The following HDHD5 variants were observed in gnomAD, a reference collection of about 807,000 sequenced individuals.
HDHD5 encodes the protein haloacid dehalogenase like hydrolase domain containing 5.
Under a neutral mutation model 35.5 loss-of-function variants are expected in HDHD5, and 34 were observed. The observed-to-expected ratio is 0.96, with a 90% CI of 0.73 to 1.28. The LOEUF is 1.28. Ranked by LOEUF, HDHD5 falls within the 50% of genes most tolerant of loss-of-function variation. HDHD5 has a pLI of 0.00. For missense variants in HDHD5, 589 were observed against 560.2 expected, an observed-to-expected ratio of 1.05 and a Z score of -0.52; for synonymous variants, 248 against 240.6, an observed-to-expected ratio of 1.03 and a Z score of -0.29.
intron 1 of HDHD5, among the ~76,000 whole-genome samples, chr22:17,157,076 T>TCACACACACACACA (rs779244919): frequency 2.7e-3 from 154 of 56,146 alleles, no homozygotes; most frequent in Admixed American, 0.012. Context: ...AGACACCGTC[T>TCACACACACACACA]CACACACATA....
At chr22:17,149,956 T>C (rs1601394096) in intron 1 of HDHD5, among the ~76,000 whole-genome samples, 1 of 152,222 alleles carries the variant, frequency 6.6e-6, no homozygotes, top group East Asian at 1.9e-4. Context: ...TTATTTTTAA[T>C]CATTCGCTTT....
At position 17,159,197 on chromosome 22, in the gene HDHD5, G is replaced by T. The variant is rs186763825; in HGVS notation, c.55C>A (p.Arg19=). The change falls in exon 1 of 8, where the codon CGG becomes AGG. Residue 19 remains arginine (R), a synonymous_variant. Transcript: ENST00000336737. Reference sequence around the variant, plus strand: ...AGCCCCGCAGCCGCGCGCGCCGCCCGCCAGCAAAGCCCACGCGCCGCGCCG... The same window carrying T: ...AGCCCCGCAGCCGCGCGCGCCGCCCTCCAGCAAAGCCCACGCGCCGCGCCG... ...ALGAARGLCW[R]AARAAAGLQG... The T allele has an allele frequency of 1.3e-3, 1,518 of 1,180,374 alleles. 20 individuals carry two copies. The African/African-American group carries it at 0.023, about 18-fold the overall frequency. The allele number at this position is 1,180,374 out of a possible 1,614,324, so 73.1% of individuals were successfully genotyped here.
chr22:17,151,886 T>C (rs2061730469), intron 1 of HDHD5, among the ~76,000 whole-genome samples: 1 of 152,170 alleles, frequency 6.6e-6, no homozygotes, highest in Non-Finnish European at 1.5e-5. Flanking sequence ...GCAAATCAAT[T>C]CTAGGTAAGT....
At position 17,141,092 on chromosome 22, in the gene HDHD5, T is replaced by A; in HGVS notation, c.713A>T (p.Asp238Val). 1 of 1,591,462 alleles carries A rather than the reference T, an allele frequency of 6.3e-7. No individual in the cohort carries two copies. The highest frequency in any genetic ancestry group is 1.1e-5 in the South Asian group (1 of 88,210). ...CTTGGCTTCAGCCATCCACAGGAGA[T>A]CCATGTTGCTGGCTAGGACGGGGAG... ...PHLPVLASNM[D>V]LLWMAEAKMP... The change falls in exon 6 of 8, where the codon GAT (aspartate) becomes GTT (valine). Residue 238 changes from aspartate (D) to valine (V), a missense_variant. Transcript: ENST00000336737.
chr22:17,159,112 C>A lies in HDHD5; in HGVS notation c.126+14G>T. 1 of 1,240,226 alleles carries A rather than the reference C, an allele frequency of 8.1e-7. No individual in the cohort carries two copies. The highest frequency in any genetic ancestry group is 1.0e-6 in the Non-Finnish European group (1 of 990,216). 76.8% of individuals were successfully genotyped at this position (1,240,226 alleles called of 1,614,324 possible). A position where few individuals can be genotyped will look rare whatever the true frequency, so the allele number is the denominator to read the frequency against. ...GAGTGGCGAGTGGCTCGGCCAGAAC[C>A]CGGACGTCCTCACCTGAGCGGGGCC... On this transcript the variant is annotated intron_variant, in intron 1 of 7. Transcript: ENST00000336737.
upstream of HDHD5, among the ~76,000 whole-genome samples, chr22:17,163,620 C>G (rs1240148305): frequency 6.6e-6 from 1 of 152,212 alleles, no homozygotes; most frequent in African/African-American, 2.4e-5. Flanking sequence ...GCACTGATAT[C>G]TGTGGGCCCT....
At chr22:17,157,035 G>A (rs1410104307) in intron 1 of HDHD5, among the ~76,000 whole-genome samples, 16 of 150,316 alleles carry the variant, frequency 1.1e-4, no homozygotes, top group Non-Finnish European at 1.5e-4. Context: ...CCGAGATGGC[G>A]CCACTGCACT....
chr22:17,156,368 T>G (rs2061790394), intron 1 of HDHD5, among the ~76,000 whole-genome samples: 1 of 152,164 alleles, frequency 6.6e-6, no homozygotes, highest in African/African-American at 2.4e-5. Flanking sequence ...ATCCCAGCAC[T>G]CTGGGAGGCC....
rs746500177 is a variant in HDHD5, at chr22:17,138,096, C to T, written c.1197G>A (p.Glu399=). ...RDLCFSPGLM[E]ASHVVNDVNE... ...TCACGTCATTCACCACGTGGGAGGC[C>T]TCCATGAGCCCTGGACTGAAGCATA... The change falls in exon 8 of 8, where the codon GAG becomes GAA. Residue 399 remains glutamate (E), a synonymous_variant. Transcript: ENST00000336737. The T allele has an allele frequency of 6.2e-6, 10 of 1,614,144 alleles. No homozygotes were observed. Among genetic ancestry groups the T allele is most frequent in the Admixed American group, 1.7e-5 (1 of 60,004 alleles).
In HDHD5 at chr22:17,138,194, T is replaced by C. The variant is rs779918954; in HGVS notation, c.1099A>G (p.Asn367Asp). 1.2e-6 allele frequency: 2 copies of C among 1,614,158 alleles called. No homozygotes were observed. The highest frequency in any genetic ancestry group is 3.3e-5 in the Admixed American group (2 of 60,020). Residue 367 changes from asparagine (N) to aspartate (D), a missense_variant, in exon 8 of 8, where the codon AAT (asparagine) becomes GAT (aspartate). Asn to Asp is a conservative substitution (Grantham distance 23, BLOSUM62 1). Coordinates refer to ENST00000336737, the MANE Select transcript of HDHD5 (RefSeq NM_033070.3). ...TCCGTGGACTGTGGGTTCCTGGGAT[T>C]GTAGACGCCTGTACACACCAGGATG... The part of the protein sequence containing the change: ...ISILVCTGVY[N>D]PRNPQSTEPV...
rs1182300980 is a variant in HDHD5, at chr22:17,158,969, C to G, written c.126+157G>C. On this transcript the variant is annotated intron_variant, in intron 1 of 7. Coordinates refer to ENST00000336737, the MANE Select transcript of HDHD5 (RefSeq NM_033070.3). ...CAGAGGAAGGCAGGGCGCATCCGCC[C>G]TCCAGCAAGAACGCGATGCACTCGG... 11 of 655,894 alleles carry G rather than the reference C, an allele frequency of 1.7e-5. 1 individual carries two copies. In the East Asian group the frequency reaches 4.8e-4, roughly 29 times the overall value. 40.6% of individuals were successfully genotyped at this position (655,894 alleles called of 1,614,324 possible). A position where few individuals can be genotyped will look rare whatever the true frequency, so the allele number is the denominator to read the frequency against.
At chr22:17,162,072 C>T (rs979556998), upstream of HDHD5, among the ~76,000 whole-genome samples, 3 of 152,060 alleles carry the variant, frequency 2.0e-5, no homozygotes, top group Non-Finnish European at 4.4e-5. Flanking sequence ...GAAAGCTAGA[C>T]GCATAGTAGA....
intron 2 of HDHD5, 58 bp downstream of exon 2, chr22:17,149,484 C>A: frequency 1.3e-6 from 2 of 1,533,634 alleles, no homozygotes; most frequent in South Asian, 2.3e-5. Flanking sequence ...GGAGCTGGGG[C>A]AGCGGCTCCA....
chr22:17,143,183 G>A lies in HDHD5; in HGVS notation c.538-52C>T, dbSNP rs1385039076. 3.8e-6 allele frequency: 6 copies of A among 1,586,936 alleles called. No individual in the cohort carries two copies. In the East Asian group the frequency reaches 1.4e-4, roughly 36 times the overall value. ...CAACACAAGTCGCCTTCCACTCCAG[G>A]AGAACCACAACCCCACCTCCAGGGT... On this transcript the variant is annotated intron_variant, in intron 4 of 7. Transcript: ENST00000336737.
Position 17,145,095 on chromosome 22 carries a change from T to A in HDHD5, c.466A>T (p.Thr156Ser), listed in dbSNP as rs758905911. The A allele has an allele frequency of 6.2e-7, 1 of 1,614,018 alleles. No individual in the cohort carries two copies. The stretch of plus-strand genomic sequence containing the variant: ...AAGGCCATCCGCAGCTCATCCACGG[T>A]GACGACATTTCGGAAGCCCAGTCTG... ...AQGLGFRNVV[T>S]VDELRMAFPL... The change falls in exon 4 of 8, where the codon ACC becomes TCC. Residue 156 changes from threonine to serine, a missense_variant. By Grantham distance (58) the Thr-to-Ser change is moderately conservative. Coordinates refer to ENST00000336737, the MANE Select transcript of HDHD5 (RefSeq NM_033070.3).
Position 17,138,529 on chromosome 22 carries a change from AG to A in HDHD5, c.935+20del. 1.2e-6 allele frequency: 2 copies of A among 1,609,990 alleles called. No individual in the cohort carries two copies. The highest frequency in any genetic ancestry group is 1.7e-6 in the Non-Finnish European group (2 of 1,177,506). On this transcript the variant is annotated intron_variant, in intron 7 of 7. Coordinates refer to ENST00000336737, the MANE Select transcript of HDHD5 (RefSeq NM_033070.3). ...GAAGGGGATGTCATAAAAGGGACAA[AG>A]GAGGGAGAGCAGAGCCTACCCCACA...
chr22:17,142,294 C>T (rs765653010), intron 5 of HDHD5: 1 of 152,276 alleles, frequency 6.6e-6, no homozygotes, highest in Non-Finnish European at 1.5e-5. Flanking sequence ...GGTATCCACA[C>T]AGGTGAACAA....
At chr22:17,165,006 GTC>G (rs775696914) in intron 1 of HDHD5, among the ~76,000 whole-genome samples, 1 of 152,098 alleles carries the variant, frequency 6.6e-6, no homozygotes, top group African/African-American at 2.4e-5. Context: ...ACTGCTCACT[GTC>G]TCTCTCTCTT....
intron 3 of HDHD5, among the ~76,000 whole-genome samples, chr22:17,147,995 T>C (rs1460042730): frequency 6.6e-6 from 1 of 152,140 alleles, no homozygotes; most frequent in African/African-American, 2.4e-5. Flanking sequence ...ACGGGCCAGG[T>C]ATTATTCCGC....
Sources: allele counts gnomAD v4.1 joint callset (sites outside exome capture counted in the v4.1 genomes callset), GRCh38; gene constraint gnomAD v4.1.1; transcripts MANE v1.5; gene names NCBI Gene and HGNC (gene_info 2026-07-23, HGNC 2026-07-21).